MIGA1: variants seen among roughly 807,000 people sequenced by gnomAD.
The protein encoded by MIGA1 is mitoguardin 1, also known as family with sequence similarity 73, member A.
In MIGA1, 58 loss-of-function variants were observed where a neutral mutation model predicts 82.0. The ratio of observed to expected loss-of-function variants is 0.71; its 90% CI spans 0.57 to 0.88. The LOEUF (loss-of-function observed/expected upper bound fraction) is 0.88, where lower values mean the gene tolerates loss of function less well. Among genes scored for constraint, MIGA1 ranks in the 40% least tolerant of loss-of-function variants. MIGA1 has a pLI of 0.00. For synonymous variants in MIGA1, 249 were observed against 253.6 expected, an observed-to-expected ratio of 0.98 and a Z score of 0.17; for missense variants, 751 against 749.1, an observed-to-expected ratio of 1.00 and a Z score of -0.03.
chr1:77,780,045 G>T, intron 1 of MIGA1: 1 of 1,130,328 alleles, frequency 8.8e-7, no homozygotes, highest in East Asian at 5.9e-5. Context: ...ATTGGGATGG[G>T]CTCGCCACTG....
chr1:77,856,475 T>C (rs1685258035), intron 8 of MIGA1, among the ~76,000 whole-genome samples: 1 of 152,192 alleles, frequency 6.6e-6, no homozygotes, highest in African/African-American at 2.4e-5. Flanking sequence ...GAATGTCTGA[T>C]AGAATTCTCC....
rs773315280 is a variant in MIGA1, at chr1:77,803,311, T to G, written c.415T>G (p.Leu139Val). 18 of 1,555,380 alleles carry G rather than the reference T, an allele frequency of 1.2e-5. No individual in the cohort carries two copies. In the South Asian group the frequency reaches 2.0e-4, roughly 17 times the overall value. ...TAGCAGACAGAATTTGACATTATCT[T>G]TAAGTTCTACCAAAGACAAAGGATC... The change falls in exon 4 of 16, where the codon TTA becomes GTA. Residue 139 changes from leucine (L) to valine (V), a missense_variant. Physicochemically the swap from Leu to Val is conservative, Grantham distance 32. Coordinates refer to ENST00000370791, the MANE Select transcript of MIGA1 (RefSeq NM_198549.4).
chr1:77,809,903 A>T (rs986202682), intron 5 of MIGA1, among the ~76,000 whole-genome samples: 1 of 151,306 alleles, frequency 6.6e-6, no homozygotes, highest in Non-Finnish European at 1.5e-5. Context: ...ATCTACCTAT[A>T]TAAAAAAAAT....
chr1:77,873,738 A>G (rs912795782), intron 15 of MIGA1, among the ~76,000 whole-genome samples: 2 of 152,252 alleles, frequency 1.3e-5, no homozygotes, highest in Non-Finnish European at 2.9e-5. Context: ...AAATAAAAGT[A>G]AACATAATTG....
chr1:77,818,684 G>A (rs915624983), intron 7 of MIGA1, among the ~76,000 whole-genome samples: 49 of 152,218 alleles, frequency 3.2e-4, no homozygotes, highest in African/African-American at 1.1e-3. Flanking sequence ...GACAGATGTG[G>A]GAGGATTGCT....
intron 5 of MIGA1, chr1:77,811,770 C>T (rs1456807486): frequency 1.1e-5 from 17 of 1,593,430 alleles, no homozygotes; most frequent in Non-Finnish European, 1.4e-5. Flanking sequence ...GACTCCGGGT[C>T]ACCTCCGACA....
chr1:77,819,140 A>G (rs1683702102), intron 7 of MIGA1, among the ~76,000 whole-genome samples: 1 of 151,992 alleles, frequency 6.6e-6, no homozygotes, highest in Admixed American at 6.6e-5. Context: ...CTTTTAGGAT[A>G]TAAATATACC....
chr1:77,852,011 A>G (rs1043742145), intron 8 of MIGA1, among the ~76,000 whole-genome samples: 7 of 151,704 alleles, frequency 4.6e-5, no homozygotes, highest in Admixed American at 1.3e-4. Flanking sequence ...CAGCCTCCCA[A>G]GTAGGTGGGA....
chr1:77,780,825 A>G (rs1199519128), intron 1 of MIGA1, among the ~76,000 whole-genome samples: 2 of 151,932 alleles, frequency 1.3e-5, no homozygotes, highest in Non-Finnish European at 2.9e-5. Context: ...TTTGGAATCA[A>G]CTTCCTCAGT....
At chr1:77,873,380 C>T (rs1347393316) in intron 15 of MIGA1, among the ~76,000 whole-genome samples, 1 of 152,204 alleles carries the variant, frequency 6.6e-6, no homozygotes, top group Non-Finnish European at 1.5e-5. Flanking sequence ...TTCACCTTAT[C>T]AATTCCCTAA....
intron 7 of MIGA1, among the ~76,000 whole-genome samples, chr1:77,816,273 A>C (rs575729036): frequency 6.6e-6 from 1 of 152,340 alleles, no homozygotes; most frequent in East Asian, 1.9e-4. Context: ...AAGTCTTGGA[A>C]GAAAGGAATG....
Position 77,860,063 on chromosome 1 carries a change from C to T in MIGA1, c.1212C>T (p.Asn404=). ...AGGTAATTCTTTCAGAATCAGCTAACAGGATATTCCTCGCTGAGAGCGGAA... is the reference window on the plus strand; with the variant it reads ...AGGTAATTCTTTCAGAATCAGCTAATAGGATATTCCTCGCTGAGAGCGGAA... The change falls in exon 11 of 16, where the codon AAC becomes AAT. Residue 404 remains asparagine (N), a synonymous_variant. Coordinates refer to ENST00000370791, the MANE Select transcript of MIGA1 (RefSeq NM_198549.4). 2 of 1,610,586 alleles carry T rather than the reference C, an allele frequency of 1.2e-6. No homozygotes were observed. The highest frequency in any genetic ancestry group is 1.3e-5 in the African/African-American group (1 of 74,916).
At chr1:77,869,353 G>A (rs1488511703) in intron 14 of MIGA1, among the ~76,000 whole-genome samples, 1 of 147,990 alleles carries the variant, frequency 6.8e-6, no homozygotes. Context: ...TATCCACACA[G>A]ACCCGGCAAC....
At chr1:77,846,357 T>A (rs1344401936) in intron 8 of MIGA1, among the ~76,000 whole-genome samples, 1 of 152,198 alleles carries the variant, frequency 6.6e-6, no homozygotes, top group Admixed American at 6.5e-5. Flanking sequence ...AAAGATATTG[T>A]CATTTAATAG....
intron 8 of MIGA1, chr1:77,848,792 A>C: frequency 2.4e-6 from 3 of 1,275,132 alleles, no homozygotes; most frequent in Non-Finnish European, 3.2e-6. Flanking sequence ...ATTGACAAAC[A>C]AGATGATTGA....
At chr1:77,844,297 CAT>C (rs5775427) in intron 8 of MIGA1, among the ~76,000 whole-genome samples, 102,746 of 150,680 alleles carry the variant, frequency 0.68, 36,910 homozygotes, top group Non-Finnish European at 0.81. Flanking sequence ...AAGCTATAAA[CAT>C]GTTTCCAATA....
chr1:77,813,889 G>A (rs781164823), intron 6 of MIGA1, 22 bp downstream of exon 6: 2 of 1,611,514 alleles, frequency 1.2e-6, no homozygotes, highest in Non-Finnish European at 1.7e-6. Context: ...TGATTTGAGT[G>A]GTCTTCATAA....
rs1250357941 is a variant in MIGA1, at chr1:77,813,604, A to C, written c.638-130A>C. ...GAAACTAAGATTCTGTCATGAAATG[A>C]TGTATGATTCTTTAGTGTCAAAATT... On this transcript the variant is annotated intron_variant, in intron 5 of 15. Transcript: ENST00000370791. 1.3e-5 allele frequency: 12 copies of C among 955,992 alleles called. No individual in the cohort carries two copies. The East Asian group carries it at 2.7e-4, about 22-fold the overall frequency. 59.2% of individuals were successfully genotyped at this position (955,992 alleles called of 1,614,324 possible).
chr1:77,853,532 C>G (rs1407253148), intron 8 of MIGA1: 2 of 161,860 alleles, frequency 1.2e-5, no homozygotes, highest in African/African-American at 2.4e-5. Flanking sequence ...AGTTAGATAC[C>G]AGCCTGGCCA....
Sources: allele counts gnomAD v4.1 joint callset (sites outside exome capture counted in the v4.1 genomes callset), GRCh38; gene constraint gnomAD v4.1.1; transcripts MANE v1.5; gene names NCBI Gene and HGNC (gene_info 2026-07-23, HGNC 2026-07-21).